SRP54: variants seen among roughly 807,000 people sequenced by gnomAD.
SRP54 encodes the protein signal recognition particle subunit SRP54.
A neutral mutation model predicts 64.8 loss-of-function variants in SRP54; 10 were observed. The ratio of observed to expected loss-of-function variants is 0.15; its 90% confidence interval spans 0.10 to 0.26. SRP54 has a LOEUF of 0.26. Among genes scored for constraint, SRP54 ranks in the 10% least tolerant of loss-of-function variants. The probability of loss-of-function intolerance (pLI) is 1.00; values close to 1 mark genes in which losing one functional copy is unlikely to be tolerated. For synonymous variants in SRP54, 193 were observed against 185.6 expected (o/e 1.04, Z -0.32); for missense variants, 325 against 613.7 (o/e 0.53, Z 4.97).
At chr14:34,987,708 T>C (rs930560378) in intron 1 of SRP54, among the ~76,000 whole-genome samples, 3 of 152,184 alleles carry the variant, frequency 2.0e-5, no homozygotes, top group Admixed American at 6.6e-5. Context: ...TGTTTCTACT[T>C]TTTGGCTATT....
At position 35,023,605 on chromosome 14, in the gene SRP54, G is replaced by A. The variant is rs1457126492; in HGVS notation, c.1327+525G>A. On this transcript the variant is annotated intron_variant, in intron 14 of 15. Coordinates refer to ENST00000216774, the MANE Select transcript of SRP54 (RefSeq NM_003136.4). ...TCAAGACCAGCCTGGCCAGCATGGTGAAACCCTGCCTCTACTTAAAATACA... is the reference window on the plus strand; with the variant it reads ...TCAAGACCAGCCTGGCCAGCATGGTAAAACCCTGCCTCTACTTAAAATACA... 3.3e-5 allele frequency among the ~76,000 whole-genome samples: 5 copies of A among 152,026 alleles called. No homozygotes were observed. In the East Asian group the frequency reaches 9.6e-4, roughly 29 times the overall value.
rs907430220 is a variant in SRP54, at chr14:35,013,066, C to T, written c.637-280C>T. On this transcript the variant is annotated intron_variant, in intron 8 of 15. Transcript: ENST00000216774. ...TCAAGTGATTCTCCTGCCTGAGCCT[C>T]TCAAGTAGCTGGGATTACAGGCACT... 4.0e-5 allele frequency among the ~76,000 whole-genome samples: 6 copies of T among 151,350 alleles called. No homozygotes were observed. The South Asian group carries it at 8.4e-4, about 21-fold the overall frequency.
intron 7 of SRP54, among the ~76,000 whole-genome samples, chr14:35,010,105 G>A (rs1157548828): frequency 1.3e-5 from 2 of 151,316 alleles, no homozygotes; most frequent in African/African-American, 4.9e-5. Flanking sequence ...CCGAGATCGT[G>A]CCACTACCCT....
intron 4 of SRP54, among the ~76,000 whole-genome samples, chr14:35,005,063 G>C (rs983283724): frequency 1.3e-5 from 2 of 152,198 alleles, no homozygotes; most frequent in Non-Finnish European, 2.9e-5. Context: ...CAGGCACAGT[G>C]GCTTATACCT....
At chr14:35,013,563 T>C in intron 9 of SRP54, 69 bp downstream of exon 9, 1 of 1,471,628 alleles carries the variant, frequency 6.8e-7, no homozygotes, top group South Asian at 1.2e-5. Flanking sequence ...TTTATAGCTT[T>C]CATATTGATC....
At chr14:35,013,519 C>T in intron 9 of SRP54, 25 bp downstream of exon 9, 1 of 1,609,602 alleles carries the variant, frequency 6.2e-7, no homozygotes, top group East Asian at 2.2e-5. Context: ...TACTGTTGTC[C>T]TCTGTCTTGG....
At chr14:35,021,394 C>G (rs2044527333) in intron 13 of SRP54, among the ~76,000 whole-genome samples, 1 of 152,116 alleles carries the variant, frequency 6.6e-6, no homozygotes, top group South Asian at 2.1e-4. Context: ...TTTTGGGAGG[C>G]TGAGGTCGGT....
chr14:35,009,058 T>C (rs2044313214), intron 7 of SRP54, among the ~76,000 whole-genome samples: 1 of 151,936 alleles, frequency 6.6e-6, no homozygotes. Context: ...ATCTAAATTT[T>C]TGTATTTTTA....
intron 10 of SRP54, 73 bp downstream of exon 10, chr14:35,013,975 A>G: frequency 1.8e-6 from 2 of 1,084,292 alleles, no homozygotes; most frequent in Non-Finnish European, 2.8e-6. Context: ...ATAGGATTTT[A>G]ATTCTGTCCT....
intron 7 of SRP54, among the ~76,000 whole-genome samples, chr14:35,010,651 G>A (rs1266476332): frequency 6.6e-6 from 1 of 151,876 alleles, no homozygotes; most frequent in East Asian, 1.9e-4. Flanking sequence ...TGTAATCCTA[G>A]CCACTTGGGA....
At chr14:34,993,884 G>A (rs183707356) in intron 1 of SRP54, among the ~76,000 whole-genome samples, 9 of 151,918 alleles carry the variant, frequency 5.9e-5, no homozygotes, top group African/African-American at 2.2e-4. Flanking sequence ...TAGTAGAGAC[G>A]GGGTTTCTCC....
At position 35,017,436 on chromosome 14, in the gene SRP54, T is replaced by C. The variant is rs546025325; in HGVS notation, c.974-1256T>C. The stretch of plus-strand genomic sequence containing the variant: ...GTTCTATGTCTGTGGATTTCTTATA[T>C]TATTCTAGCTTTAATTATCACTTCT... On this transcript the variant is annotated intron_variant, in intron 11 of 15. Transcript: ENST00000216774. Among the ~76,000 whole-genome samples, 16 of 152,344 alleles carry C rather than the reference T, an allele frequency of 1.1e-4. No individual in the cohort carries two copies. The South Asian group carries it at 1.2e-3, about 12-fold the overall frequency.
intron 4 of SRP54, 46 bp downstream of exon 4, chr14:35,001,066 A>G: frequency 1.0e-6 from 1 of 986,420 alleles, no homozygotes; most frequent in Non-Finnish European, 1.5e-6. Context: ...CTCAGTGGAT[A>G]AAAAAGCGTT....
chr14:35,007,416 C>A, intron 5 of SRP54, 29 bp downstream of exon 5: 1 of 1,448,434 alleles, frequency 6.9e-7, no homozygotes, highest in Non-Finnish European at 9.5e-7. Context: ...AAAAAGAAGT[C>A]ATATGGAAGA....
intron 4 of SRP54, among the ~76,000 whole-genome samples, chr14:35,003,572 G>GT (rs35642565): frequency 5.6e-4 from 75 of 134,578 alleles, no homozygotes; most frequent in South Asian, 1.4e-3. Context: ...GGTTTTTTTG[G>GT]TTTTTTTTTT....
intron 8 of SRP54, among the ~76,000 whole-genome samples, chr14:35,011,970 GCA>G (rs2044363410): frequency 6.6e-6 from 1 of 152,060 alleles, no homozygotes; most frequent in Non-Finnish European, 1.5e-5. Flanking sequence ...TATAATCCCA[GCA>G]CTTTGGGAGG....
At chr14:35,028,281 C>A in intron 15 of SRP54, 98 bp downstream of exon 15, 3 of 719,210 alleles carry the variant, frequency 4.2e-6, no homozygotes, top group Admixed American at 6.1e-5. Context: ...AAAATATGTT[C>A]AAAAGGTGTG....
At chr14:34,996,633 G>A (rs1387006634) in intron 1 of SRP54, 44 bp from the exon 2 acceptor site, 4 of 957,962 alleles carry the variant, frequency 4.2e-6, no homozygotes, top group Non-Finnish European at 3.4e-6. Context: ...TCAGTCATGG[G>A]AAGTGAAATT....
At chr14:35,013,017 G>A (rs1246847169) in intron 8 of SRP54, among the ~76,000 whole-genome samples, 1 of 141,598 alleles carries the variant, frequency 7.1e-6, no homozygotes, top group Non-Finnish European at 1.5e-5. Context: ...GATCTCAGCT[G>A]ACTGCAACCT....
Sources: gnomAD v4.1 joint callset for allele counts (sites outside exome capture counted in the v4.1 genomes callset) on GRCh38, gnomAD v4.1.1 for gene constraint, MANE v1.5 for transcripts, NCBI Gene and HGNC (gene_info 2026-07-23, HGNC 2026-07-21) for gene names.